WNT9B: variants seen among roughly 807,000 people sequenced by gnomAD.
WNT9B encodes Wnt family member 9B.
Under a neutral mutation model 30.2 loss-of-function variants are expected in WNT9B, and 12 were observed. That is an observed-to-expected ratio of 0.40 (90% CI 0.26 to 0.64). The LOEUF (loss-of-function observed/expected upper bound fraction) is 0.64, where lower values mean the gene tolerates loss of function less well. Among genes scored for constraint, WNT9B ranks in the 30% least tolerant of loss-of-function variants. WNT9B has a pLI of 0.42. For missense variants in WNT9B, 442 were observed against 485.2 expected, an observed-to-expected ratio of 0.91 and a Z score of 0.84; for synonymous variants, 218 against 216.9, an observed-to-expected ratio of 1.01 and a Z score of -0.05.
chr17:46,857,195 G>A (rs868262363), intron 1 of WNT9B, among the ~76,000 whole-genome samples: 4 of 152,086 alleles, frequency 2.6e-5, no homozygotes, highest in South Asian at 2.1e-4. Context: ...TTGGCTGGGC[G>A]TGGTGGCTCA....
intron 2 of WNT9B, 77 bp from the exon 3 acceptor site, chr17:46,875,024 G>T (rs1382413516): frequency 6.2e-7 from 1 of 1,609,596 alleles, no homozygotes; most frequent in African/African-American, 1.3e-5. Context: ...TCAGAGGGCG[G>T]CAGGCAACCT....
In WNT9B at chr17:46,858,728, AC is replaced by A. The variant is rs560487965; in HGVS notation, c.77+7014del. Among the ~76,000 whole-genome samples the A allele has an allele frequency of 9.2e-5, 14 of 152,310 alleles. No individual in the cohort carries two copies. The South Asian group carries it at 2.9e-3, about 32-fold the overall frequency. ...CTCACAAGGAAACTAAATGTGTTACACAATCACAGCTCACTACAGCCTCGAC... is the reference window on the plus strand; with the variant it reads ...CTCACAAGGAAACTAAATGTGTTACAAATCACAGCTCACTACAGCCTCGAC... On this transcript the variant is annotated intron_variant, in intron 1 of 3. Coordinates refer to ENST00000290015, the MANE Select transcript of WNT9B (RefSeq NM_003396.3).
intron 1 of WNT9B, among the ~76,000 whole-genome samples, chr17:46,852,001 G>C (rs538154330): frequency 6.6e-6 from 1 of 152,092 alleles, no homozygotes; most frequent in Non-Finnish European, 1.5e-5. Context: ...CTCTGCGCAC[G>C]CCTCGGACCC....
chr17:46,862,455 T>C (rs534358854), intron 1 of WNT9B, among the ~76,000 whole-genome samples: 30 of 152,128 alleles, frequency 2.0e-4, no homozygotes, highest in Non-Finnish European at 3.5e-4. Context: ...TCACCACAAT[T>C]GTTAAAAAAA....
chr17:46,847,217 C>T (rs374175499), upstream of WNT9B, among the ~76,000 whole-genome samples: 35 of 152,310 alleles, frequency 2.3e-4, no homozygotes, highest in African/African-American at 6.7e-4. Context: ...GCTGTGAGTT[C>T]CCTGGAGGGG....
At chr17:46,866,499 T>C (rs1184085695) in intron 1 of WNT9B, among the ~76,000 whole-genome samples, 1 of 151,568 alleles carries the variant, frequency 6.6e-6, no homozygotes, top group Admixed American at 6.6e-5. Flanking sequence ...TGTAGGGGGA[T>C]CAGTGAGGGC....
chr17:46,865,504 G>T (rs1040978026), intron 1 of WNT9B, among the ~76,000 whole-genome samples: 1 of 152,200 alleles, frequency 6.6e-6, no homozygotes, highest in Admixed American at 6.5e-5. Context: ...GAGGGTGAGA[G>T]CTGGGTAGGG....
rs188449378 is a variant in WNT9B at position 46,865,894 on chromosome 17, G to A, written c.78-6623G>A. On this transcript the variant is annotated intron_variant, in intron 1 of 3. Transcript: ENST00000290015. ...CCCAAAGTGCTGGTACTACAGGTGCGCGCCACAATGCCTGACCAAAAAAAT... is the reference window on the plus strand; with the variant it reads ...CCCAAAGTGCTGGTACTACAGGTGCACGCCACAATGCCTGACCAAAAAAAT... Among the ~76,000 whole-genome samples the A allele has an allele frequency of 4.9e-4, 75 of 152,190 alleles. 1 individual carries two copies. The highest frequency in any genetic ancestry group is 1.3e-4 in the Admixed American group (2 of 15,298).
chr17:46,876,251 A>C lies in WNT9B; in HGVS notation c.607A>C (p.Lys203Gln), dbSNP rs1598867696. 6.2e-7 allele frequency: 1 copy of C among 1,606,858 alleles called. No individual in the cohort carries two copies. The highest frequency in any genetic ancestry group is 2.2e-5 in the East Asian group (1 of 44,740). The change falls in exon 4 of 4, where the codon AAG becomes CAG. Residue 203 changes from lysine (K) to glutamine (Q), a missense_variant. Coordinates refer to ENST00000290015, the MANE Select transcript of WNT9B (RefSeq NM_003396.3). The part of the protein sequence containing the change: ...HNTHVGIKAV[K>Q]SGLRTTCKCH... ...TGTTCTGCCTCCCCCACAGGCTGTGAAGAGTGGCCTCAGGACCACGTGTAA... is the reference window on the plus strand; with the variant it reads ...TGTTCTGCCTCCCCCACAGGCTGTGCAGAGTGGCCTCAGGACCACGTGTAA...
intron 1 of WNT9B, among the ~76,000 whole-genome samples, chr17:46,865,350 G>A (rs1243972057): frequency 6.6e-6 from 1 of 152,184 alleles, no homozygotes; most frequent in Non-Finnish European, 1.5e-5. Context: ...CAGGAAGTGG[G>A]GCTGTGCTTG....
At chr17:46,872,434 C>G in intron 1 of WNT9B, 83 bp from the exon 2 acceptor site, 1 of 1,413,848 alleles carries the variant, frequency 7.1e-7, no homozygotes, top group Non-Finnish European at 9.3e-7. Flanking sequence ...GTAAATGAAG[C>G]CCCTGAGGAG....
chr17:46,845,236 C>T lies in WNT9B; in HGVS notation c.95+11796C>T, dbSNP rs2084762175. ...TAAAACACCCCAACGTAGAGTCTTT[C>T]ACTAGTGCTTTGCCCATAGGGGACT... is the stretch of plus-strand genomic sequence containing the variant. On this transcript the variant is annotated intron_variant, in intron 1 of 2. Coordinates refer to the WNT9B transcript ENST00000575372. 2.6e-5 allele frequency among the ~76,000 whole-genome samples: 4 copies of T among 152,160 alleles called. No individual in the cohort carries two copies. In the South Asian group the frequency reaches 8.3e-4, roughly 32 times the overall value.
At chr17:46,862,634 G>A (rs2085060538) in intron 1 of WNT9B, among the ~76,000 whole-genome samples, 1 of 152,198 alleles carries the variant, frequency 6.6e-6, no homozygotes, top group South Asian at 2.1e-4. Context: ...CCAGGCTGGA[G>A]TGCAGTGGCA....
chr17:46,842,235 G>A (rs1598828665), intron 1 of WNT9B, among the ~76,000 whole-genome samples: 1 of 152,244 alleles, frequency 6.6e-6, no homozygotes, highest in Non-Finnish European at 1.5e-5. Context: ...GGTTGTGTGA[G>A]GAAGAGATGA....
chr17:46,838,830 T>C (rs1367798989), intron 1 of WNT9B, among the ~76,000 whole-genome samples: 4 of 152,106 alleles, frequency 2.6e-5, no homozygotes, highest in African/African-American at 9.7e-5. Flanking sequence ...GAGAGGGGAT[T>C]ACTCACCATA....
downstream of WNT9B, among the ~76,000 whole-genome samples, chr17:46,884,365 C>T (rs371848571): frequency 3.3e-5 from 5 of 152,036 alleles, no homozygotes; most frequent in Non-Finnish European, 7.4e-5. Flanking sequence ...GCAGTGGTGC[C>T]GCCCCCGCCC....
At chr17:46,845,785 C>CTTT (rs34253824) in intron 1 of WNT9B, among the ~76,000 whole-genome samples, 28 of 86,792 alleles carry the variant, frequency 3.2e-4, no homozygotes, top group Non-Finnish European at 4.5e-4. Context: ...ACTGTGCTGG[C>CTTT]TTTTTTTTTT....
At chr17:46,863,685 T>C (rs2085081659) in intron 1 of WNT9B, among the ~76,000 whole-genome samples, 1 of 151,958 alleles carries the variant, frequency 6.6e-6, no homozygotes, top group Admixed American at 6.6e-5. Context: ...CATGAGGGCT[T>C]TTGGACTGGG....
At chr17:46,857,343 T>C (rs1418711293) in intron 1 of WNT9B, among the ~76,000 whole-genome samples, 1 of 151,654 alleles carries the variant, frequency 6.6e-6, no homozygotes, top group Non-Finnish European at 1.5e-5. Flanking sequence ...ATGGTGGTGG[T>C]GCATGCCTCT....
Sources: allele counts gnomAD v4.1 joint callset (sites outside exome capture counted in the v4.1 genomes callset), GRCh38; gene constraint gnomAD v4.1.1; transcripts MANE v1.5; gene names NCBI Gene and HGNC (gene_info 2026-07-23, HGNC 2026-07-21).